The following EXO1 variants were observed in gnomAD, a reference collection of about 807,000 sequenced individuals.
The protein encoded by EXO1 is exonuclease 1.
A neutral mutation model predicts 84.5 loss-of-function variants in EXO1; 69 were observed. The observed-to-expected ratio is 0.82, with a 90% CI of 0.67 to 1.00. The LOEUF (loss-of-function observed/expected upper bound fraction) is 1.00, where lower values mean the gene tolerates loss of function less well. Ranked by LOEUF, EXO1 falls within the 50% of genes least tolerant of loss-of-function variation. The pLI, the probability that EXO1 is intolerant of heterozygous loss-of-function variation, is 0.00. For synonymous variants in EXO1, 373 were observed against 366.1 expected (o/e 1.02, Z -0.21); for missense variants, 1,045 against 1,000.7 (o/e 1.04, Z -0.60).
chr1:241,863,422 AC>A (rs1661512050), intron 10 of EXO1, among the ~76,000 whole-genome samples: 4 of 104,956 alleles, frequency 3.8e-5, no homozygotes, highest in Non-Finnish European at 3.9e-5. Flanking sequence ...AAAAAAAAAA[AC>A]AAAAAAAGCG....
At chr1:241,884,975 A>G (rs1312147821) in intron 14 of EXO1, among the ~76,000 whole-genome samples, 1 of 152,138 alleles carries the variant, frequency 6.6e-6, no homozygotes, top group Admixed American at 6.6e-5. Context: ...TGGGAGGCTG[A>G]GGCGAGCAGA....
At chr1:241,849,737 C>T (rs576504803) in intron 3 of EXO1, among the ~76,000 whole-genome samples, 49 of 152,282 alleles carry the variant, frequency 3.2e-4, no homozygotes, top group African/African-American at 1.1e-3. Context: ...CACGTTGACC[C>T]TTATGATTAA....
intron 15 of EXO1, 181 bp downstream of exon 15, chr1:241,885,688 T>C (rs2148540780): frequency 3.3e-6 from 2 of 611,820 alleles, no homozygotes; most frequent in African/African-American, 1.8e-5. Context: ...CTATACCTTC[T>C]TTTCATAAAA....
At chr1:241,881,578 A>G (rs908407487) in intron 13 of EXO1, among the ~76,000 whole-genome samples, 8 of 152,234 alleles carry the variant, frequency 5.3e-5, no homozygotes, top group African/African-American at 1.9e-4. Context: ...TTTAGCTAGT[A>G]AGATGAAAAC....
At chr1:241,876,153 A>G (rs1662390064) in intron 12 of EXO1, among the ~76,000 whole-genome samples, 1 of 152,310 alleles carries the variant, frequency 6.6e-6, no homozygotes, top group South Asian at 2.1e-4. Context: ...TTTCACTAGT[A>G]ACTTGTTCAG....
chr1:241,870,914 G>C (rs1662047082), intron 11 of EXO1, among the ~76,000 whole-genome samples: 1 of 152,176 alleles, frequency 6.6e-6, no homozygotes, highest in Admixed American at 6.5e-5. Context: ...GCCAGTAGTA[G>C]TCTTTTAGGC....
intron 8 of EXO1, 42 bp downstream of exon 8, chr1:241,858,760 AT>A: frequency 1.6e-6 from 2 of 1,225,648 alleles, no homozygotes; most frequent in Non-Finnish European, 2.4e-6. Flanking sequence ...TTTCTGAAGC[AT>A]TTCCTTAATA....
In EXO1 at chr1:241,872,059, G is replaced by C. The variant is rs1489225464; in HGVS notation, c.1295G>C (p.Ser432Thr). 6 of 1,613,232 alleles carry C rather than the reference G, an allele frequency of 3.7e-6. No individual in the cohort carries two copies. Among genetic ancestry groups the C allele is most frequent in the Non-Finnish European group, 5.1e-6 (6 of 1,179,320 alleles). The change falls in exon 12 of 16, where the codon AGT becomes ACT. Residue 432 changes from serine to threonine, a missense_variant. Coordinates refer to ENST00000366548, the MANE Select transcript of EXO1 (RefSeq NM_130398.4). ...GAGCTGTCAGAAGATGACCTGTTGA[G>C]TCAGTATTCTCTTTCATTTACGAAG... Reference protein sequence around the residue: ...SAELSEDDLLSQYSLSFTKKT... With the variant: ...SAELSEDDLLTQYSLSFTKKT...
At position 241,887,725 on chromosome 1, in the gene EXO1, G is replaced by A. The variant is rs980622620; in HGVS notation, c.2406-1740G>A. 2.6e-5 allele frequency among the ~76,000 whole-genome samples: 4 copies of A among 152,078 alleles called. No individual in the cohort carries two copies. In the East Asian group the frequency reaches 5.8e-4, roughly 22 times the overall value. ...ACAATCTCAGCTCACTGCAGCCTCC[G>A]CCTCCTGGGTTCAAGTGATTCACCT... On this transcript the variant is annotated intron_variant, in intron 15 of 15. Transcript: ENST00000366548.
At chr1:241,874,787 T>G (rs2148492077) in intron 12 of EXO1, among the ~76,000 whole-genome samples, 1 of 152,330 alleles carries the variant, frequency 6.6e-6, no homozygotes, top group East Asian at 1.9e-4. Flanking sequence ...GTAATGCACC[T>G]AAAGCAGTGC....
chr1:241,857,375 G>A lies in EXO1; in HGVS notation c.436G>A (p.Val146Met), dbSNP rs1371529825. ...CCGGTCTCAGGGGGTAGATTGCCTC[G>A]TGGCTCCCTATGAAGCTGATGCGCA... The part of the protein sequence containing the change: ...AARSQGVDCL[V>M]APYEADAQLA... Residue 146 changes from valine (V) to methionine (M), a missense_variant, in exon 7 of 16, where the codon GTG becomes ATG. Val to Met is a conservative substitution (Grantham distance 21, BLOSUM62 1). Coordinates refer to ENST00000366548, the MANE Select transcript of EXO1 (RefSeq NM_130398.4). 36 of 1,613,924 alleles carry A rather than the reference G, an allele frequency of 2.2e-5. No homozygotes were observed. The highest frequency in any genetic ancestry group is 3.1e-5 in the Non-Finnish European group (36 of 1,179,922).
At chr1:241,885,836 G>C (rs200006255) in intron 15 of EXO1, among the ~76,000 whole-genome samples, 1 of 37,748 alleles carries the variant, frequency 2.6e-5, no homozygotes, top group Non-Finnish European at 7.5e-5. Flanking sequence ...AATTTTATTT[G>C]GTTTTTTGTT....
intron 6 of EXO1, among the ~76,000 whole-genome samples, chr1:241,854,094 T>C (rs1460186583): frequency 1.3e-5 from 2 of 152,140 alleles, no homozygotes; most frequent in Non-Finnish European, 2.9e-5. Context: ...GCCCTCACTT[T>C]CCCCTTTTTA....
chr1:241,867,211 A>C (rs1021914268), intron 11 of EXO1, among the ~76,000 whole-genome samples, 156 bp downstream of exon 11: 1 of 152,216 alleles, frequency 6.6e-6, no homozygotes, highest in Non-Finnish European at 1.5e-5. Flanking sequence ...CACATACCTG[A>C]GACTGGGCAA....
In EXO1 at chr1:241,850,573, G is replaced by C; in HGVS notation, c.148G>C (p.Glu50Gln). The change falls in exon 4 of 16, where the codon GAA (glutamate) becomes CAA (glutamine). Residue 50 changes from glutamate to glutamine, a missense_variant. Coordinates refer to ENST00000366548, the MANE Select transcript of EXO1 (RefSeq NM_130398.4). ...TTGTGCTGAAAAACTAGCCAAAGGT[G>C]AACCTACTGATAGGTAAGTCTGGAC... ...IACAEKLAKG[E>Q]PTDRYVGFCM... is the part of the protein sequence containing the mutation. 6.2e-7 allele frequency: 1 copy of C among 1,613,666 alleles called. No homozygotes were observed. The highest frequency in any genetic ancestry group is 8.5e-7 in the Non-Finnish European group (1 of 1,179,814).
At chr1:241,867,151 C>A in intron 11 of EXO1, 96 bp downstream of exon 11, 1 of 902,852 alleles carries the variant, frequency 1.1e-6, no homozygotes, top group Non-Finnish European at 1.8e-6. Flanking sequence ...CTCCTGTTTT[C>A]TCCTAGAAGT....
At chr1:241,858,196 T>G (rs1188484316) in intron 7 of EXO1, among the ~76,000 whole-genome samples, 2 of 152,252 alleles carry the variant, frequency 1.3e-5, no homozygotes, top group Non-Finnish European at 2.9e-5. Flanking sequence ...AAAATGTTTT[T>G]CGTATGCATT....
chr1:241,849,882 G>T (rs1660556561), intron 3 of EXO1, among the ~76,000 whole-genome samples: 3 of 152,174 alleles, frequency 2.0e-5, no homozygotes, highest in Non-Finnish European at 2.9e-5. Flanking sequence ...ACAGTCAAGT[G>T]GCATTAGAGG....
At chr1:241,860,144 C>G (rs576294654) in intron 8 of EXO1, among the ~76,000 whole-genome samples, 1 of 152,212 alleles carries the variant, frequency 6.6e-6, no homozygotes, top group South Asian at 2.1e-4. Context: ...AAAATATGAT[C>G]TAGAAATATT....
Sources: allele counts gnomAD v4.1 joint callset (sites outside exome capture counted in the v4.1 genomes callset), GRCh38; gene constraint gnomAD v4.1.1; transcripts MANE v1.5; gene names NCBI Gene and HGNC (gene_info 2026-07-23, HGNC 2026-07-21).